The following C1orf94 variants were observed in gnomAD, a reference collection of about 807,000 sequenced individuals.
C1orf94 encodes chromosome 1 open reading frame 94, also known as uncharacterized protein C1orf94.
Under a neutral mutation model 53.6 loss-of-function variants are expected in C1orf94, and 45 were observed. The ratio of observed to expected loss-of-function variants is 0.84; its 90% CI spans 0.66 to 1.08. The LOEUF (loss-of-function observed/expected upper bound fraction) is 1.08, where lower values mean the gene tolerates loss of function less well. Ranked by LOEUF, C1orf94 falls within the 50% of genes least tolerant of loss-of-function variation. The pLI is 0.00. For missense variants in C1orf94, 762 were observed against 738.9 expected (o/e 1.03, Z -0.36); for synonymous variants, 304 against 296.1 (o/e 1.03, Z -0.27).
chr1:34,187,874 G>T (rs955750881), intron 1 of C1orf94, among the ~76,000 whole-genome samples: 2 of 149,596 alleles, frequency 1.3e-5, no homozygotes, highest in African/African-American at 4.9e-5. Flanking sequence ...GGGAAGCAGG[G>T]TATCTCACTT....
intron 1 of C1orf94, among the ~76,000 whole-genome samples, chr1:34,193,822 A>G (rs1390150916): frequency 3.9e-5 from 6 of 152,238 alleles, no homozygotes; most frequent in Admixed American, 6.5e-5. Context: ...CAAGAGAAGA[A>G]TGGATATCCT....
In C1orf94 at chr1:34,177,421, T is replaced by A. The variant is rs1353092618; in HGVS notation, c.-369T>A. Reference sequence around the variant, plus strand: ...GGCGCCGAAAGTTGTCACGGCGGCGTCGCAAGGGGGCAGTGCCAGGGACTG... The same window carrying A: ...GGCGCCGAAAGTTGTCACGGCGGCGACGCAAGGGGGCAGTGCCAGGGACTG... On this transcript the variant is annotated 5_prime_UTR_variant, in exon 1 of 7. Coordinates refer to ENST00000488417, the MANE Select transcript of C1orf94 (RefSeq NM_001134734.2). Among the ~76,000 whole-genome samples, 1 of 151,978 alleles carries A rather than the reference T, an allele frequency of 6.6e-6. No individual in the cohort carries two copies. The highest frequency in any genetic ancestry group is 2.4e-5 in the African/African-American group (1 of 41,372).
At chr1:34,211,024 A>T (rs1642880420) in intron 5 of C1orf94, among the ~76,000 whole-genome samples, 1 of 151,870 alleles carries the variant, frequency 6.6e-6, no homozygotes, top group South Asian at 2.1e-4. Flanking sequence ...CTGATTCCTG[A>T]GCACTTGGAC....
chr1:34,200,109 C>T (rs779473556), intron 2 of C1orf94, among the ~76,000 whole-genome samples: 1 of 152,212 alleles, frequency 6.6e-6, no homozygotes, highest in Non-Finnish European at 1.5e-5. Context: ...CCCCAGCACT[C>T]AGGTCAAGGC....
intron 1 of C1orf94, among the ~76,000 whole-genome samples, chr1:34,186,837 C>A (rs562276828): frequency 2.0e-5 from 3 of 152,188 alleles, no homozygotes; most frequent in Non-Finnish European, 4.4e-5. Context: ...ATTCCTCTTC[C>A]GCTACTGCAC....
chr1:34,190,334 A>C (rs1677761), intron 1 of C1orf94, among the ~76,000 whole-genome samples: 20,646 of 152,140 alleles, frequency 0.14, 1,958 homozygotes, highest in African/African-American at 0.27. Context: ...TGCCTTTAGA[A>C]CAAAATGCCT....
At chr1:34,208,702 G>C (rs1322358553) in intron 5 of C1orf94, among the ~76,000 whole-genome samples, 2 of 152,164 alleles carry the variant, frequency 1.3e-5, no homozygotes, top group Non-Finnish European at 2.9e-5. Context: ...GCTGGGCTGT[G>C]GATCAGGTTT....
intron 1 of C1orf94, among the ~76,000 whole-genome samples, chr1:34,194,692 T>C (rs939381500): frequency 3.9e-5 from 6 of 152,146 alleles, no homozygotes; most frequent in African/African-American, 1.4e-4. Flanking sequence ...TTAAAGGCAT[T>C]CCCCGGCATA....
In C1orf94 at chr1:34,200,912, A is replaced by G; in HGVS notation, c.1150A>G (p.Lys384Glu). ...VGTASLTLPP[K>E]KPTCPAEKNL... Reference sequence around the variant, plus strand: ...CACCGCATCACTGACCCTGCCGCCCAAGAAACCTACATGTCCAGCCGAGAA... The same window carrying G: ...CACCGCATCACTGACCCTGCCGCCCGAGAAACCTACATGTCCAGCCGAGAA... Residue 384 changes from lysine to glutamate, a missense_variant, in exon 3 of 7, where the codon AAG (lysine) becomes GAG (glutamate). Lys to Glu is a moderately conservative substitution (Grantham distance 56). Transcript: ENST00000488417. The G allele has an allele frequency of 6.2e-7, 1 of 1,614,178 alleles. No individual in the cohort carries two copies. The highest frequency in any genetic ancestry group is 1.7e-5 in the Admixed American group (1 of 60,026).
chr1:34,210,721 CTTG>C (rs1220308441), intron 5 of C1orf94, among the ~76,000 whole-genome samples: 1 of 151,736 alleles, frequency 6.6e-6, no homozygotes, highest in Non-Finnish European at 1.5e-5. Flanking sequence ...GTGGCACAAT[CTTG>C]GCTCACTGCA....
intron 5 of C1orf94, among the ~76,000 whole-genome samples, chr1:34,208,631 A>G (rs1325423032): frequency 6.6e-6 from 1 of 152,130 alleles, no homozygotes; most frequent in African/African-American, 2.4e-5. Flanking sequence ...CATAACCGCC[A>G]CATCTCGGGG....
chr1:34,167,915 T>C (rs919026075), intron 1 of C1orf94, among the ~76,000 whole-genome samples: 1 of 152,114 alleles, frequency 6.6e-6, no homozygotes, highest in Non-Finnish European at 1.5e-5. Flanking sequence ...ACTCAACAAA[T>C]ATTTATTGAG....
At chr1:34,217,520 C>T (rs1009510131) in intron 6 of C1orf94, among the ~76,000 whole-genome samples, 5 of 152,082 alleles carry the variant, frequency 3.3e-5, no homozygotes, top group African/African-American at 4.8e-5. Flanking sequence ...GTGGGGTTAC[C>T]GCTGGCATGG....
rs1571345672 is a variant in C1orf94, at chr1:34,200,896, A to C, written c.1134A>C (p.Ser378=). The C allele has an allele frequency of 1.9e-6, 3 of 1,614,082 alleles. No homozygotes were observed. The highest frequency in any genetic ancestry group is 2.5e-6 in the Non-Finnish European group (3 of 1,180,044). The change falls in exon 3 of 7, where the codon TCA becomes TCC. Residue 378 remains serine (S), a synonymous_variant. Transcript: ENST00000488417. The part of the protein sequence containing the change: ...EGCCDAVGTA[S]LTLPPKKPTC... ...GCTGTGACGCAGTGGGCACCGCATC[A>C]CTGACCCTGCCGCCCAAGAAACCTA... is the stretch of plus-strand genomic sequence containing the variant.
At chr1:34,190,188 A>AAACTCCTC (rs1288072890) in intron 1 of C1orf94, among the ~76,000 whole-genome samples, 1 of 152,190 alleles carries the variant, frequency 6.6e-6, no homozygotes, top group African/African-American at 2.4e-5. Flanking sequence ...AGCACCTAGC[A>AAACTCCTC]AACTCCTCAA....
intron 2 of C1orf94, among the ~76,000 whole-genome samples, chr1:34,200,412 A>AAGG (rs1159280685): frequency 6.6e-6 from 1 of 152,146 alleles, no homozygotes; most frequent in Non-Finnish European, 1.5e-5. Context: ...AGGAAGGATG[A>AAGG]AGGGGTGGAT....
chr1:34,207,194 T>C (rs1169480724), intron 4 of C1orf94, among the ~76,000 whole-genome samples: 2 of 151,766 alleles, frequency 1.3e-5, no homozygotes. Context: ...AAGGGAAAAC[T>C]CGGGATTGAC....
intron 1 of C1orf94, among the ~76,000 whole-genome samples, chr1:34,189,144 G>C (rs1475855472): frequency 6.7e-6 from 1 of 149,182 alleles, no homozygotes; most frequent in African/African-American, 2.5e-5. Flanking sequence ...TGTGTGTATG[G>C]ATGTGTGTGC....
intron 1 of C1orf94, among the ~76,000 whole-genome samples, chr1:34,184,020 G>A (rs1642348511): frequency 6.6e-6 from 1 of 152,184 alleles, no homozygotes; most frequent in African/African-American, 2.4e-5. Context: ...TGAAGTGCCA[G>A]TGCCATGGAA....
Sources: allele counts gnomAD v4.1 joint callset (sites outside exome capture counted in the v4.1 genomes callset), GRCh38; gene constraint gnomAD v4.1.1; transcripts MANE v1.5; gene names NCBI Gene and HGNC (gene_info 2026-07-23, HGNC 2026-07-21).